Variants in KIF3B observed in about 807,000 individuals in gnomAD.
KIF3B encodes kinesin-like protein KIF3B.
A neutral mutation model predicts 74.3 loss-of-function variants in KIF3B; 38 were observed. That is an observed-to-expected ratio of 0.51 (90% confidence interval 0.39 to 0.67). The LOEUF is 0.67. Among genes scored for constraint, KIF3B ranks in the 30% least tolerant of loss-of-function variants. The probability of loss-of-function intolerance (pLI) is 0.00; values close to 1 mark genes in which losing one functional copy is unlikely to be tolerated. For missense variants in KIF3B, 649 were observed against 932.0 expected (o/e 0.70, Z 3.95); for synonymous variants, 326 against 342.5 (o/e 0.95, Z 0.53).
At position 32,316,496 on chromosome 20, in the gene KIF3B, G is replaced by A. The variant is rs764599019; in HGVS notation, c.1507-31G>A. On this transcript the variant is annotated intron_variant, in intron 3 of 8. Coordinates refer to ENST00000375712, the MANE Select transcript of KIF3B (RefSeq NM_004798.4). ...ACCCAGCATAGACACAGTCTCTAGG[G>A]CAAGCTGATGAATTTTGTCATGTTG... 27 of 1,613,066 alleles carry A rather than the reference G, an allele frequency of 1.7e-5. No homozygotes were observed. In the Admixed American group the frequency reaches 3.8e-4, roughly 23 times the overall value.
intron 3 of KIF3B, 43 bp from the exon 4 acceptor site, chr20:32,316,484 A>G (rs1027228819): frequency 1.2e-6 from 2 of 1,612,190 alleles, no homozygotes; most frequent in Admixed American, 3.4e-5. Flanking sequence ...CAGCATAGAC[A>G]CAGTCTCTAG....
chr20:32,311,080 G>A lies in KIF3B; in HGVS notation c.1303G>A (p.Val435Ile), dbSNP rs41288638. Residue 435 changes from valine (V) to isoleucine (I), a missense_variant, in exon 2 of 9, where the codon GTT (valine) becomes ATT (isoleucine). Val to Ile is a conservative substitution (Grantham distance 29). This residue lies in a region of KIF3B where 363 missense variants were observed against 592.8 expected (regional missense o/e 0.61). Coordinates refer to ENST00000375712, the MANE Select transcript of KIF3B (RefSeq NM_004798.4). ...GGCCATTGTAGAGGATCACAGCTTG[G>A]TTGCAGAGGAGAAGATGAGGCTGCT... ...KRAIVEDHSL[V>I]AEEKMRLLKE... 1,842 of 1,613,888 alleles carry A rather than the reference G, an allele frequency of 1.1e-3. 3 individuals are homozygous for A. Among genetic ancestry groups the A allele is most frequent in the Non-Finnish European group, 1.4e-3 (1,646 of 1,179,956 alleles).
chr20:32,280,378 GGC>G (rs1293808865), intron 1 of KIF3B, among the ~76,000 whole-genome samples: 1 of 19,060 alleles, frequency 5.2e-5, no homozygotes, highest in African/African-American at 2.2e-3. Context: ...TTATACAGTT[GGC>G]CCCAGGAACC....
At chr20:32,322,682 ATATATATTTATATATATT>A (rs1418801846) in intron 5 of KIF3B, among the ~76,000 whole-genome samples, 2 of 31,636 alleles carry the variant, frequency 6.3e-5, no homozygotes, top group Non-Finnish European at 8.9e-5. Flanking sequence ...TTATATATTT[ATATATATTTATATATATT>A]TATATATTTA....
chr20:32,279,764 T>G (rs1404928627), intron 1 of KIF3B, among the ~76,000 whole-genome samples: 1 of 152,212 alleles, frequency 6.6e-6, no homozygotes, highest in Non-Finnish European at 1.5e-5. Flanking sequence ...GTGCCCAGCC[T>G]GAGAGCTGGA....
At position 32,310,174 on chromosome 20, in the gene KIF3B, T is replaced by A; in HGVS notation, c.397T>A (p.Ser133Thr). 6.2e-7 allele frequency: 1 copy of A among 1,613,156 alleles called. No individual in the cohort carries two copies. The highest frequency in any genetic ancestry group is 2.2e-5 in the East Asian group (1 of 44,834). ...FDHIFTHISR[S>T]QNQQYLVRAS... ...CCATATCTTCACCCACATCTCTCGA[T>A]CCCAGAATCAACAATACCTGGTCAG... Residue 133 changes from serine (S) to threonine (T), a missense_variant, in exon 2 of 9, where the codon TCC (serine) becomes ACC (threonine). Ser to Thr is a moderately conservative substitution (Grantham distance 58, BLOSUM62 1). Transcript: ENST00000375712. This position sits in a 1 kb window ranked among gnomAD's most constrained non-coding sequence, Gnocchi z 6.5.
rs745833456 is a variant in KIF3B, at chr20:32,331,206, G to A, written c.2148-17G>A. 4.4e-6 allele frequency: 7 copies of A among 1,581,242 alleles called. No individual in the cohort carries two copies. Among genetic ancestry groups the A allele is most frequent in the South Asian group, 1.1e-5 (1 of 90,340 alleles). On this transcript the variant is annotated splice_polypyrimidine_tract_variant and intron_variant, in intron 8 of 8. Transcript: ENST00000375712. The stretch of plus-strand genomic sequence containing the variant: ...AGATGGGGACATGTAATATAAACAT[G>A]TGTTTGACTTTTGCAGGCCTAAAAG...
Position 32,330,174 on chromosome 20 carries a change from C to T in KIF3B, c.2002C>T (p.Pro668Ser). The T allele has an allele frequency of 1.2e-6, 2 of 1,613,838 alleles. No homozygotes were observed. The highest frequency in any genetic ancestry group is 1.7e-6 in the Non-Finnish European group (2 of 1,179,912). The change falls in exon 8 of 9, where the codon CCC (proline) becomes TCC (serine). Residue 668 changes from proline to serine, a missense_variant. Pro to Ser is a moderately conservative substitution (Grantham distance 74). Coordinates refer to ENST00000375712, the MANE Select transcript of KIF3B (RefSeq NM_004798.4). ...CATTGTGCTGTTAGAGCTGGACATG[C>T]CCAGCCGGACCACCAGAGACTATGA... ...ENIVLLELDM[P>S]SRTTRDYEGP... is the part of the protein sequence containing the mutation.
intron 8 of KIF3B, among the ~76,000 whole-genome samples, chr20:32,330,907 C>G (rs149922516): frequency 9.9e-5 from 15 of 152,262 alleles, no homozygotes; most frequent in African/African-American, 3.6e-4. Context: ...GGGTGGAAAA[C>G]CAAAATGGAA....
chr20:32,294,642 A>G (rs1308040623), intron 1 of KIF3B, among the ~76,000 whole-genome samples: 1 of 152,154 alleles, frequency 6.6e-6, no homozygotes, highest in African/African-American at 2.4e-5. Context: ...TCTTTAAGGG[A>G]GATATTGCTA....
intron 1 of KIF3B, among the ~76,000 whole-genome samples, chr20:32,305,987 G>A (rs1439872636): frequency 6.6e-6 from 1 of 151,456 alleles, no homozygotes; most frequent in Non-Finnish European, 1.5e-5. Context: ...TCGGGAGGCT[G>A]AGGCAGGATA....
At chr20:32,300,509 G>T (rs1000898767) in intron 1 of KIF3B, among the ~76,000 whole-genome samples, 2 of 152,060 alleles carry the variant, frequency 1.3e-5, no homozygotes, top group African/African-American at 4.8e-5. Context: ...TCCATCTCCT[G>T]TCCTTGTGAT....
chr20:32,331,491 C>T lies in KIF3B; in HGVS notation c.*172C>T, dbSNP rs1320356280. ...TCTGGTTGAACGTGCTGTTCCTAAT[C>T]TGGCACTCAGCCCCTCTGGGAAACA... On this transcript the variant is annotated 3_prime_UTR_variant, in exon 9 of 9. Coordinates refer to ENST00000375712, the MANE Select transcript of KIF3B (RefSeq NM_004798.4). 2 of 571,702 alleles carry T rather than the reference C, an allele frequency of 3.5e-6. No individual in the cohort carries two copies. The highest frequency in any genetic ancestry group is 6.1e-6 in the Non-Finnish European group (2 of 329,346). 35.4% of individuals were successfully genotyped at this position (571,702 alleles called of 1,614,324 possible).
chr20:32,307,561 G>A (rs1350760038), intron 1 of KIF3B, among the ~76,000 whole-genome samples: 2 of 152,118 alleles, frequency 1.3e-5, no homozygotes, highest in Non-Finnish European at 1.5e-5. Flanking sequence ...AGTTCAAAAA[G>A]TATATGCATT....
At chr20:32,282,579 G>A (rs7263551) in intron 1 of KIF3B, among the ~76,000 whole-genome samples, 3,844 of 152,254 alleles carry the variant, frequency 0.025, 157 homozygotes, top group African/African-American at 0.086. Context: ...CTACAGTCTG[G>A]CTTTTTGCCA....
At chr20:32,288,755 C>A (rs2047678431) in intron 1 of KIF3B, among the ~76,000 whole-genome samples, 1 of 152,118 alleles carries the variant, frequency 6.6e-6, no homozygotes, top group African/African-American at 2.4e-5. Flanking sequence ...CTCACTGCAA[C>A]CTCCGCCTCC....
intron 1 of KIF3B, among the ~76,000 whole-genome samples, chr20:32,296,178 A>G (rs1390946392): frequency 6.6e-6 from 1 of 152,022 alleles, no homozygotes; most frequent in African/African-American, 2.4e-5. Flanking sequence ...TTATTATCTT[A>G]TATTCATGGT....
intron 1 of KIF3B, among the ~76,000 whole-genome samples, chr20:32,301,420 T>C (rs886348889): frequency 6.6e-6 from 1 of 150,968 alleles, no homozygotes; most frequent in African/African-American, 2.4e-5. Context: ...TCTTGTCAAC[T>C]AGGCTGGAGT....
chr20:32,303,752 G>A (rs1263778166), intron 1 of KIF3B, among the ~76,000 whole-genome samples: 1 of 151,602 alleles, frequency 6.6e-6, no homozygotes, highest in Non-Finnish European at 1.5e-5. Context: ...CTATTCGGGA[G>A]GCTGAGGCAG....
Sources: allele counts gnomAD v4.1 joint callset (sites outside exome capture counted in the v4.1 genomes callset), GRCh38; gene constraint gnomAD v4.1.1; regional missense constraint gnomAD v4.1.1; non-coding constraint Gnocchi (gnomAD v3.1); transcripts MANE v1.5; gene names NCBI Gene and HGNC (gene_info 2026-07-23, HGNC 2026-07-21).